SUGCT: variants seen among roughly 807,000 people sequenced by gnomAD.
SUGCT encodes the protein succinyl-CoA:glutarate-CoA transferase.
Under a neutral mutation model 55.0 loss-of-function variants are expected in SUGCT, and 41 were observed. That is an observed-to-expected ratio of 0.74 (90% confidence interval 0.58 to 0.97). SUGCT has a LOEUF of 0.97. SUGCT is among the 50% of genes least tolerant of loss of function. The pLI is 0.00. For synonymous variants in SUGCT, 187 were observed against 200.4 expected, an observed-to-expected ratio of 0.93 and a Z score of 0.56; for missense variants, 568 against 547.8, an observed-to-expected ratio of 1.04 and a Z score of -0.37.
At chr7:40,362,557 A>G (rs1334165337) in intron 9 of SUGCT, among the ~76,000 whole-genome samples, 1 of 152,204 alleles carries the variant, frequency 6.6e-6, no homozygotes, top group Non-Finnish European at 1.5e-5. Flanking sequence ...AAGCTTGGGT[A>G]AAGATATAGG....
rs183610604 is a variant in SUGCT, at chr7:40,629,912, C to T, written c.1090-119522C>T. On this transcript the variant is annotated intron_variant, in intron 12 of 13. Coordinates refer to ENST00000335693, the MANE Select transcript of SUGCT (RefSeq NM_001193313.2). Reference sequence around the variant, plus strand: ...TGACCTGCAGAGTTGCAGTGAGAAGCTACAGGGTTTGAAAGGAGACATTCT... The same window carrying T: ...TGACCTGCAGAGTTGCAGTGAGAAGTTACAGGGTTTGAAAGGAGACATTCT... Among the ~76,000 whole-genome samples the T allele has an allele frequency of 1.6e-4, 24 of 152,250 alleles. No homozygotes were observed. The East Asian group carries it at 4.6e-3, about 29-fold the overall frequency.
In SUGCT at chr7:40,217,290, G is replaced by A. The variant is rs564971416; in HGVS notation, c.485-20345G>A. On this transcript the variant is annotated intron_variant, in intron 6 of 13. Coordinates refer to ENST00000335693, the MANE Select transcript of SUGCT (RefSeq NM_001193313.2). ...CATGGCGCCATCTAAGACTGGCTGC[G>A]ACCTCTGCCTCCGGGACTCAAGTGA... is the stretch of plus-strand genomic sequence containing the variant. 76 of 306,330 alleles carry A rather than the reference G, an allele frequency of 2.5e-4. 1 individual carries two copies. The highest frequency in any genetic ancestry group is 1.6e-3 in the African/African-American group (68 of 43,848). The allele number at this position is 306,330 out of a possible 1,614,324, so 19.0% of individuals were successfully genotyped here.
chr7:40,910,256 G>A, the SUGCT span, among the ~76,000 whole-genome samples: 4 of 151,904 alleles, frequency 2.6e-5, no homozygotes, highest in African/African-American at 9.6e-5. Flanking sequence ...AGCTGGAGAC[G>A]GAAGACTAAG....
chr7:40,167,805 C>T (rs558272163), intron 1 of SUGCT, among the ~76,000 whole-genome samples: 113 of 152,220 alleles, frequency 7.4e-4, no homozygotes, highest in African/African-American at 2.6e-3. Context: ...TGGAAGTCAG[C>T]GGCGGGTCTG....
chr7:40,860,353 G>C lies in SUGCT; in HGVS notation c.1191G>C (p.Glu397Asp). The C allele has an allele frequency of 6.2e-7, 1 of 1,613,982 alleles. No individual in the cohort carries two copies. Residue 397 changes from glutamate to aspartate, a missense_variant, in exon 14 of 14, where the codon GAG (glutamate) becomes GAC (aspartate). Transcript: ENST00000335693. ...AVRYSKFKMS[E>D]ARPPPLLGQH... ...GATACAGTAAGTTCAAGATGTCAGAGGCCAGGCCGCCCCCGCTGCTCGGGC... is the reference window on the plus strand; with the variant it reads ...GATACAGTAAGTTCAAGATGTCAGACGCCAGGCCGCCCCCGCTGCTCGGGC...
intron 9 of SUGCT, among the ~76,000 whole-genome samples, chr7:40,384,006 T>A (rs1439396785): frequency 1.3e-5 from 2 of 152,178 alleles, no homozygotes; most frequent in Non-Finnish European, 2.9e-5. Flanking sequence ...CCAACTGGGA[T>A]GGTGTAACTA....
intron 12 of SUGCT, among the ~76,000 whole-genome samples, chr7:40,555,696 G>A (rs1795524826): frequency 6.6e-6 from 1 of 152,020 alleles, no homozygotes; most frequent in African/African-American, 2.4e-5. Context: ...GGGAACTCAT[G>A]ACAAATTCCA....
chr7:40,262,806 A>G (rs1239499662), intron 7 of SUGCT, among the ~76,000 whole-genome samples: 1 of 152,242 alleles, frequency 6.6e-6, no homozygotes, highest in African/African-American at 2.4e-5. Flanking sequence ...TTGATGTATA[A>G]TAAAACAATA....
At chr7:40,894,596 A>G in the SUGCT span, among the ~76,000 whole-genome samples, 1 of 152,222 alleles carries the variant, frequency 6.6e-6, no homozygotes, top group African/African-American at 2.4e-5. Context: ...TCCAGAATCT[A>G]TAAGGATCTG....
chr7:40,962,490 C>A, the SUGCT span, among the ~76,000 whole-genome samples: 3 of 150,904 alleles, frequency 2.0e-5, no homozygotes, highest in Non-Finnish European at 4.4e-5. Context: ...CTTCAGATTG[C>A]ATAATATTCA....
At chr7:40,785,865 A>G (rs1279005765) in intron 13 of SUGCT, among the ~76,000 whole-genome samples, 1 of 152,142 alleles carries the variant, frequency 6.6e-6, no homozygotes, top group Non-Finnish European at 1.5e-5. Flanking sequence ...AAGTGGGAGG[A>G]TCACTTGAGC....
intron 9 of SUGCT, among the ~76,000 whole-genome samples, chr7:40,428,786 T>A (rs1021724272): frequency 6.6e-6 from 1 of 152,182 alleles, no homozygotes; most frequent in Non-Finnish European, 1.5e-5. Flanking sequence ...GTTACAGTAT[T>A]ACAGTATTCT....
At chr7:40,431,009 A>C (rs117198283) in intron 9 of SUGCT, among the ~76,000 whole-genome samples, 16,932 of 151,724 alleles carry the variant, frequency 0.11, 1,392 homozygotes, top group East Asian at 0.48. Flanking sequence ...TCCCAGCTAC[A>C]CAGGAGGCTG....
chr7:40,586,604 TA>T (rs149567684), intron 12 of SUGCT, among the ~76,000 whole-genome samples: 4,321 of 152,198 alleles, frequency 0.028, 192 homozygotes, highest in African/African-American at 0.1. Context: ...AATTTGGGAT[TA>T]GTTTCAAGAC....
intron 6 of SUGCT, among the ~76,000 whole-genome samples, chr7:40,218,778 G>T (rs1229445832): frequency 6.6e-6 from 1 of 152,108 alleles, no homozygotes; most frequent in African/African-American, 2.4e-5. Context: ...CTAGCCAAAG[G>T]TTTGTAAACG....
intron 13 of SUGCT, among the ~76,000 whole-genome samples, chr7:40,786,220 C>T (rs78155765): frequency 0.018 from 2,791 of 152,236 alleles, 47 homozygotes; most frequent in South Asian, 0.04. Flanking sequence ...TGATTTCAGA[C>T]ATGTGTGTTG....
At chr7:40,930,847 T>G in the SUGCT span, among the ~76,000 whole-genome samples, 1 of 152,328 alleles carries the variant, frequency 6.6e-6, no homozygotes, top group Admixed American at 6.5e-5. Flanking sequence ...TTTCTAAATA[T>G]ACAATCATGT....
chr7:40,744,073 C>T (rs941081345), intron 12 of SUGCT, among the ~76,000 whole-genome samples: 2 of 151,934 alleles, frequency 1.3e-5, no homozygotes, highest in African/African-American at 4.8e-5. Flanking sequence ...AGGCACACAC[C>T]ACCACACCTG....
chr7:40,411,515 T>C (rs1390041124), intron 9 of SUGCT, among the ~76,000 whole-genome samples: 3 of 152,036 alleles, frequency 2.0e-5, no homozygotes, highest in African/African-American at 7.2e-5. Flanking sequence ...ATAAGCCAAA[T>C]AGAGAAAGAC....
Sources: allele counts gnomAD v4.1 joint callset (sites outside exome capture counted in the v4.1 genomes callset), GRCh38; gene constraint gnomAD v4.1.1; transcripts MANE v1.5; gene names NCBI Gene and HGNC (gene_info 2026-07-23, HGNC 2026-07-21).